Variants in TMEM132D observed in about 807,000 individuals in gnomAD.
The protein encoded by TMEM132D is transmembrane protein 132D.
A neutral mutation model predicts 62.3 loss-of-function variants in TMEM132D; 21 were observed. That is an observed-to-expected ratio of 0.34 (90% CI 0.24 to 0.49). TMEM132D has a LOEUF of 0.49. TMEM132D is among the 20% of genes least tolerant of loss of function. TMEM132D has a pLI of 0.99. For missense variants in TMEM132D, 1,346 were observed against 1,402.8 expected, an observed-to-expected ratio of 0.96 and a Z score of 0.65; for synonymous variants, 621 against 575.6, an observed-to-expected ratio of 1.08 and a Z score of -1.13.
At chr12:129,818,580 GT>G (rs1386598661) in intron 1 of TMEM132D, among the ~76,000 whole-genome samples, 1 of 148,716 alleles carries the variant, frequency 6.7e-6, no homozygotes, top group Non-Finnish European at 1.5e-5. Flanking sequence ...ATGTGTATGT[GT>G]GTGGAGTGTG....
chr12:129,317,239 G>T (rs1326129782), intron 4 of TMEM132D, among the ~76,000 whole-genome samples: 1 of 152,122 alleles, frequency 6.6e-6, no homozygotes, highest in Admixed American at 6.6e-5. Flanking sequence ...TATAAATCCT[G>T]TGTGATTTAT....
At chr12:129,593,992 T>A (rs748092730) in intron 2 of TMEM132D, among the ~76,000 whole-genome samples, 2 of 152,296 alleles carry the variant, frequency 1.3e-5, no homozygotes, top group Non-Finnish European at 2.9e-5. Context: ...AGTGTCAGAC[T>A]AAGAGGTCTC....
chr12:129,793,085 T>G (rs943114305), intron 1 of TMEM132D, among the ~76,000 whole-genome samples: 2 of 151,816 alleles, frequency 1.3e-5, no homozygotes, highest in African/African-American at 4.8e-5. Flanking sequence ...TTTTTTTTTT[T>G]TTTAAAGAAA....
chr12:129,655,339 C>A (rs1880045557), intron 2 of TMEM132D, among the ~76,000 whole-genome samples: 1 of 151,896 alleles, frequency 6.6e-6, no homozygotes, highest in Non-Finnish European at 1.5e-5. Flanking sequence ...CTCCGCCTCC[C>A]TGGTTCAAGC....
chr12:129,400,396 T>A (rs1871585460), intron 3 of TMEM132D, among the ~76,000 whole-genome samples: 1 of 152,118 alleles, frequency 6.6e-6, no homozygotes, highest in Non-Finnish European at 1.5e-5. Context: ...GTTGCTCTGT[T>A]TTGTTTTGTT....
intron 8 of TMEM132D, among the ~76,000 whole-genome samples, chr12:129,078,314 T>C (rs35619051): frequency 1.8e-4 from 27 of 152,304 alleles, no homozygotes; most frequent in African/African-American, 5.5e-4. Flanking sequence ...GCAATCCTTA[T>C]GTATATATGT....
chr12:129,201,313 G>A (rs796483731), intron 5 of TMEM132D, among the ~76,000 whole-genome samples: 44 of 152,250 alleles, frequency 2.9e-4, no homozygotes, highest in African/African-American at 1.0e-3. Flanking sequence ...GGAGAGAGTG[G>A]CTCTCCCACC....
intron 3 of TMEM132D, among the ~76,000 whole-genome samples, chr12:129,449,154 A>T (rs1304610845): frequency 6.6e-6 from 1 of 152,228 alleles, no homozygotes; most frequent in Non-Finnish European, 1.5e-5. Context: ...GACCCTATGC[A>T]TTGGCTTTAG....
At chr12:129,863,377 G>C (rs1873958315) in intron 1 of TMEM132D, among the ~76,000 whole-genome samples, 1 of 152,148 alleles carries the variant, frequency 6.6e-6, no homozygotes, top group South Asian at 2.1e-4. Flanking sequence ...TGGGTGCAGA[G>C]ACCAGGGTGC....
intron 5 of TMEM132D, among the ~76,000 whole-genome samples, chr12:129,164,811 G>A (rs1287176501): frequency 1.3e-5 from 2 of 152,084 alleles, no homozygotes; most frequent in Non-Finnish European, 2.9e-5. Context: ...TGACACATAG[G>A]GATTTTTGGG....
intron 2 of TMEM132D, among the ~76,000 whole-genome samples, chr12:129,610,272 T>TG (rs1878735503): frequency 8.2e-6 from 1 of 121,636 alleles, no homozygotes. Context: ...AGCAAGGCTC[T>TG]GTCTCAAAAA....
intron 1 of TMEM132D, among the ~76,000 whole-genome samples, chr12:129,726,349 C>T (rs1243171137): frequency 1.3e-5 from 2 of 152,084 alleles, no homozygotes; most frequent in Non-Finnish European, 2.9e-5. Context: ...TGAAAAGGGA[C>T]CCAGATAAAG....
chr12:129,570,005 C>G (rs892804902), intron 2 of TMEM132D, among the ~76,000 whole-genome samples: 1 of 151,972 alleles, frequency 6.6e-6, no homozygotes, highest in Non-Finnish European at 1.5e-5. Flanking sequence ...TTCAATTCTA[C>G]GGGAAGAGAC....
At chr12:129,343,481 T>C (rs1156498777) in intron 3 of TMEM132D, among the ~76,000 whole-genome samples, 7 of 152,062 alleles carry the variant, frequency 4.6e-5, no homozygotes, top group African/African-American at 1.7e-4. Flanking sequence ...ATGTAAATGA[T>C]GAGTTAATAG....
chr12:129,530,528 T>C (rs1030300936), intron 3 of TMEM132D, among the ~76,000 whole-genome samples: 4 of 152,232 alleles, frequency 2.6e-5, no homozygotes, highest in African/African-American at 7.2e-5. Context: ...ATTCAGGTTT[T>C]AATTTCTCCC....
At chr12:129,343,021 C>T (rs1391590288) in intron 3 of TMEM132D, among the ~76,000 whole-genome samples, 1 of 152,284 alleles carries the variant, frequency 6.6e-6, no homozygotes, top group South Asian at 2.1e-4. Context: ...AGTGTGGTGA[C>T]TCCTTAGGGA....
chr12:129,311,988 G>A (rs1280515830), intron 4 of TMEM132D, among the ~76,000 whole-genome samples: 1 of 152,140 alleles, frequency 6.6e-6, no homozygotes, highest in Non-Finnish European at 1.5e-5. Context: ...TGTGTGCAAT[G>A]GTCTTCAGCA....
At position 129,443,166 on chromosome 12, in the gene TMEM132D, C is replaced by G. The variant is rs182783523; in HGVS notation, c.1115+87893G>C. On this transcript the variant is annotated intron_variant, in intron 3 of 8. Transcript: ENST00000422113. ...CTTTCCAATCCGGCTTCCTCCTCTC[C>G]TCTACAAGTTGCTTCCAAGGGTAAA... Among the ~76,000 whole-genome samples the G allele has an allele frequency of 8.2e-4, 125 of 152,252 alleles. No individual in the cohort carries two copies. In the Middle Eastern group the frequency reaches 0.02, roughly 25 times the overall value.
At position 129,530,989 on chromosome 12, in the gene TMEM132D, G is replaced by GGAAA. The variant is rs1325831796; in HGVS notation, c.1115+66_1115+69dup. On this transcript the variant is annotated intron_variant, in intron 3 of 8. Transcript: ENST00000422113. ...AGTGGAAATGGTTGTTAGCAATCTAGGAAAAAAAAAAAAAAATCAGGCCAC... is the reference window on the plus strand; with the variant it reads ...AGTGGAAATGGTTGTTAGCAATCTAGGAAAGAAAAAAAAAAAAAAATCAGGCCAC... The GGAAA allele has an allele frequency of 1.9e-5, 14 of 722,520 alleles. No individual in the cohort carries two copies. In the African/African-American group the frequency reaches 6.0e-4, roughly 31 times the overall value. 44.8% of individuals were successfully genotyped at this position (722,520 alleles called of 1,614,324 possible).
Sources: gnomAD v4.1 joint callset for allele counts (sites outside exome capture counted in the v4.1 genomes callset) on GRCh38, gnomAD v4.1.1 for gene constraint, MANE v1.5 for transcripts, NCBI Gene and HGNC (gene_info 2026-07-23, HGNC 2026-07-21) for gene names.